KBTBD11: variants seen among roughly 807,000 people sequenced by gnomAD.
KBTBD11 encodes the protein kelch repeat and BTB domain-containing protein 11.
For synonymous variants in KBTBD11, 747 were observed against 499.0 expected (o/e 1.50, Z -6.63); for missense variants, 1,390 against 1,001.8 (o/e 1.39, Z -5.23).
Position 1,992,909 on chromosome 8 carries a change from T to C in KBTBD11, c.-908-7376T>C, listed in dbSNP as rs139857915. On this transcript the variant is annotated intron_variant, in intron 1 of 1. Transcript: ENST00000320248. ...GATAATATCTTAATCTGCCATTCTT[T>C]GTGTAGTTTAAAAACTTGCTTTTAT... is the stretch of plus-strand genomic sequence containing the variant. Among the ~76,000 whole-genome samples, 349 of 152,188 alleles carry C rather than the reference T, an allele frequency of 2.3e-3. 5 individuals carry two copies. Among genetic ancestry groups the C allele is most frequent in the South Asian group, 0.021 (101 of 4,826 alleles).
Position 1,975,651 on chromosome 8 carries a change from T to C in KBTBD11, c.-909+1716T>C, listed in dbSNP as rs141136575. ...AACCTGTCTGCATCTGAACCATTCG[T>C]GACTGTATTTAAGCCAGCATTGGGC... On this transcript the variant is annotated intron_variant, in intron 1 of 1. Transcript: ENST00000320248. 4.5e-3 allele frequency among the ~76,000 whole-genome samples: 682 copies of C among 152,294 alleles called. 8 individuals carry two copies. The highest frequency in any genetic ancestry group is 0.016 in the African/African-American group (657 of 41,550).
intron 1 of KBTBD11, among the ~76,000 whole-genome samples, chr8:1,993,442 CATCT>C (rs1282392166): frequency 2.1e-4 from 32 of 149,824 alleles, no homozygotes; most frequent in Middle Eastern, 3.5e-3. Flanking sequence ...CCCATCCATC[CATCT>C]ATCCATCCAA....
At chr8:1,985,070 C>A (rs766636983) in intron 1 of KBTBD11, among the ~76,000 whole-genome samples, 3 of 152,230 alleles carry the variant, frequency 2.0e-5, no homozygotes, top group Non-Finnish European at 4.4e-5. Context: ...TCGGAAGCCC[C>A]TGTACAAAAT....
chr8:1,978,945 A>C (rs916916587), intron 1 of KBTBD11, among the ~76,000 whole-genome samples: 5 of 152,174 alleles, frequency 3.3e-5, no homozygotes, highest in Non-Finnish European at 5.9e-5. Context: ...GTTCCAAAGC[A>C]ATGAGAGACC....
chr8:1,985,739 G>C (rs1816689613), intron 1 of KBTBD11, among the ~76,000 whole-genome samples: 1 of 152,234 alleles, frequency 6.6e-6, no homozygotes, highest in Admixed American at 6.5e-5. Flanking sequence ...GCTGCAGTGA[G>C]CCATGATTGC....
chr8:2,006,477 G>T lies in KBTBD11; in HGVS notation c.*3413G>T, dbSNP rs924228289. On this transcript the variant is annotated 3_prime_UTR_variant, in exon 2 of 2. Coordinates refer to ENST00000320248, the MANE Select transcript of KBTBD11 (RefSeq NM_014867.3). ...ATATTTCCCCTTCTGCAATGTTATTGTTCATAAGAAAACACGAGCTGAAAA... is the reference window on the plus strand; with the variant it reads ...ATATTTCCCCTTCTGCAATGTTATTTTTCATAAGAAAACACGAGCTGAAAA... The T allele has an allele frequency of 6.0e-6, 1 of 166,838 alleles. No individual in the cohort carries two copies. Among genetic ancestry groups the T allele is most frequent in the African/African-American group, 2.4e-5 (1 of 41,438 alleles). 10.3% of individuals were successfully genotyped at this position (166,838 alleles called of 1,614,324 possible).
At position 2,001,512 on chromosome 8, in the gene KBTBD11, C is replaced by T. The variant is rs1464476450; in HGVS notation, c.320C>T (p.Ser107Phe). ...TGCCCGGAAGAGCCCGCGGCGCCGTCCCCCGAACCGCGCGTTTGGCTTGAG... is the reference window on the plus strand; with the variant it reads ...TGCCCGGAAGAGCCCGCGGCGCCGTTCCCCGAACCGCGCGTTTGGCTTGAG... ...RACPEEPAAPSPEPRVWLEDP... is the reference protein window; with the variant it reads ...RACPEEPAAPFPEPRVWLEDP... Residue 107 changes from serine to phenylalanine, a missense_variant, in exon 2 of 2, where the codon TCC (serine) becomes TTC (phenylalanine). By Grantham distance (155) the Ser-to-Phe change is radical (BLOSUM62 -2). Transcript: ENST00000320248. 5.7e-6 allele frequency: 8 copies of T among 1,411,068 alleles called. No homozygotes were observed. In the South Asian group the frequency reaches 5.9e-5, roughly 10 times the overall value. The allele number at this position is 1,411,068 out of a possible 1,614,324, so 87.4% of individuals were successfully genotyped here.
chr8:1,999,566 C>T (rs578137705), intron 1 of KBTBD11, among the ~76,000 whole-genome samples: 2 of 152,318 alleles, frequency 1.3e-5, no homozygotes, highest in South Asian at 2.1e-4. Flanking sequence ...ATGCATCTGC[C>T]GGCACTCATA....
chr8:1,997,051 C>A (rs1202659570), intron 1 of KBTBD11, among the ~76,000 whole-genome samples: 1 of 152,184 alleles, frequency 6.6e-6, no homozygotes, highest in Non-Finnish European at 1.5e-5. Context: ...TGCTGACTTT[C>A]TGTGTCGCCT....
At chr8:1,991,207 G>A (rs1219968872) in intron 1 of KBTBD11, among the ~76,000 whole-genome samples, 4 of 152,230 alleles carry the variant, frequency 2.6e-5, no homozygotes, top group African/African-American at 9.6e-5. Context: ...TCCTTGGGAG[G>A]CACTCCTCCC....
intron 1 of KBTBD11, among the ~76,000 whole-genome samples, chr8:1,987,456 C>T (rs1030585245): frequency 2.0e-5 from 3 of 152,194 alleles, no homozygotes; most frequent in African/African-American, 7.2e-5. Context: ...TTACTGTTCC[C>T]GTCACTGCTT....
Position 2,001,674 on chromosome 8 carries a change from G to C in KBTBD11, c.482G>C (p.Arg161Pro). Reference sequence around the variant, plus strand: ...GCGCACAAGGCGGTGCTGGCGGCGCGCAGCGACTACTTCCGCGCGCGCGCG... The same window carrying C: ...GCGCACAAGGCGGTGCTGGCGGCGCCCAGCGACTACTTCCGCGCGCGCGCG... ...LRAHKAVLAA[R>P]SDYFRARASR... The change falls in exon 2 of 2, where the codon CGC (arginine) becomes CCC (proline). Residue 161 changes from arginine (R) to proline (P), a missense_variant. By Grantham distance (103) the Arg-to-Pro change is moderately radical (BLOSUM62 -2). Transcript: ENST00000320248. 2.1e-6 allele frequency: 3 copies of C among 1,459,742 alleles called. No individual in the cohort carries two copies. Among genetic ancestry groups the C allele is most frequent in the African/African-American group, 1.5e-5 (1 of 67,680 alleles). The allele number at this position is 1,459,742 out of a possible 1,614,324, so 90.4% of individuals were successfully genotyped here.
In KBTBD11 at chr8:2,003,122, T is replaced by A. The variant is rs1448253118; in HGVS notation, c.*58T>A. On this transcript the variant is annotated 3_prime_UTR_variant, in exon 2 of 2. Coordinates refer to ENST00000320248, the MANE Select transcript of KBTBD11 (RefSeq NM_014867.3). The stretch of plus-strand genomic sequence containing the variant: ...GGGGTTTGCGGGGCCCAGGTCCCTT[T>A]GGGCCCGCGGAGGAGGACGTGGTGG... The A allele has an allele frequency of 8.0e-7, 1 of 1,251,312 alleles. No homozygotes were observed. 77.5% of individuals were successfully genotyped at this position (1,251,312 alleles called of 1,614,324 possible).
At position 2,003,465 on chromosome 8, in the gene KBTBD11, T is replaced by A. The variant is rs1307932153; in HGVS notation, c.*401T>A. 1 of 188,566 alleles carries A rather than the reference T, an allele frequency of 5.3e-6. No individual in the cohort carries two copies. Among genetic ancestry groups the A allele is most frequent in the African/African-American group, 2.4e-5 (1 of 42,268 alleles). 11.7% of individuals were successfully genotyped at this position (188,566 alleles called of 1,614,324 possible). On this transcript the variant is annotated 3_prime_UTR_variant, in exon 2 of 2. Coordinates refer to ENST00000320248, the MANE Select transcript of KBTBD11 (RefSeq NM_014867.3). Reference sequence around the variant, plus strand: ...GACCCTCAAGTAGGTCGCCGCGAACTATCGGGGGAAGCACGCAGAGAGGGT... The same window carrying A: ...GACCCTCAAGTAGGTCGCCGCGAACAATCGGGGGAAGCACGCAGAGAGGGT...
In KBTBD11 at chr8:2,002,173, C is replaced by A. The variant is rs1336531717; in HGVS notation, c.981C>A (p.Val327=). 3.2e-6 allele frequency: 4 copies of A among 1,237,150 alleles called. No homozygotes were observed. Among genetic ancestry groups the A allele is most frequent in the Non-Finnish European group, 3.0e-6 (3 of 992,830 alleles). 76.6% of individuals were successfully genotyped at this position (1,237,150 alleles called of 1,614,324 possible). A position where few individuals can be genotyped will look rare whatever the true frequency, so the allele number is the denominator to read the frequency against. Residue 327 remains valine (V), a synonymous_variant, in exon 2 of 2, where the codon GTC becomes GTA. Transcript: ENST00000320248. The surrounding 1 kb of genome is among the most constrained non-coding windows in gnomAD (Gnocchi z 4.1). ...GDADARGDAA[V]YCFHAAAGEW... ...CGGACGCGCGCGGGGACGCGGCCGT[C>A]TACTGCTTCCACGCGGCGGCCGGAG...
In KBTBD11 at chr8:2,002,074, C is replaced by A; in HGVS notation, c.882C>A (p.Ala294=). Residue 294 remains alanine (A), a synonymous_variant, in exon 2 of 2, where the codon GCC becomes GCA. Coordinates refer to ENST00000320248, the MANE Select transcript of KBTBD11 (RefSeq NM_014867.3). This position sits in a 1 kb window ranked among gnomAD's most constrained non-coding sequence, Gnocchi z 4.1. ...GCCGCCGCCTGCGCGCCGGCCGCGC[C>A]CACCTCTTGGCCGCGGCGCTCGGGC... ...LLRRRLRAGR[A]HLLAAALGPA... is the part of the protein sequence containing the mutation. 2 of 1,135,902 alleles carry A rather than the reference C, an allele frequency of 1.8e-6. No homozygotes were observed. Among genetic ancestry groups the A allele is most frequent in the Non-Finnish European group, 2.1e-6 (2 of 930,494 alleles). 70.4% of individuals were successfully genotyped at this position (1,135,902 alleles called of 1,614,324 possible). A position where few individuals can be genotyped will look rare whatever the true frequency, so the allele number is the denominator to read the frequency against.
Position 1,992,340 on chromosome 8 carries a change from C to T in KBTBD11, c.-908-7945C>T, listed in dbSNP as rs1445823069. The stretch of plus-strand genomic sequence containing the variant: ...CAGTACAAAAGCACAAATGTTAATT[C>T]CTCCACGTGACCCACACGTCCCCCA... On this transcript the variant is annotated intron_variant, in intron 1 of 1. Coordinates refer to ENST00000320248, the MANE Select transcript of KBTBD11 (RefSeq NM_014867.3). Among the ~76,000 whole-genome samples, 6 of 152,092 alleles carry T rather than the reference C, an allele frequency of 3.9e-5. No homozygotes were observed. In the South Asian group the frequency reaches 1.2e-3, roughly 32 times the overall value.
At chr8:1,976,489 T>G (rs1816348750) in intron 1 of KBTBD11, 1 of 152,194 alleles carries the variant, frequency 6.6e-6, no homozygotes, top group Non-Finnish European at 1.5e-5. Flanking sequence ...CCGTTGCATG[T>G]CTTATGTGCA....
intron 1 of KBTBD11, chr8:1,974,344 G>C (rs1446933671): frequency 1.7e-5 from 17 of 984,516 alleles, no homozygotes; most frequent in Non-Finnish European, 2.0e-5. Flanking sequence ...CGCCCCCGCC[G>C]AGGGTCCCGC....
Sources: allele counts gnomAD v4.1 joint callset (sites outside exome capture counted in the v4.1 genomes callset), GRCh38; gene constraint gnomAD v4.1.1; non-coding constraint Gnocchi (gnomAD v3.1); transcripts MANE v1.5; gene names NCBI Gene and HGNC (gene_info 2026-07-23, HGNC 2026-07-21).